CLEC16A: variants seen among roughly 807,000 people sequenced by gnomAD.
CLEC16A encodes C-type lectin domain containing 16A.
In CLEC16A, 51 loss-of-function variants were observed where a neutral mutation model predicts 109.5. The ratio of observed to expected loss-of-function variants is 0.47; its 90% CI spans 0.37 to 0.59. The LOEUF (loss-of-function observed/expected upper bound fraction) is 0.59, where lower values mean the gene tolerates loss of function less well. Ranked by LOEUF, CLEC16A falls within the 20% of genes least tolerant of loss-of-function variation. The pLI, the probability that CLEC16A is intolerant of heterozygous loss-of-function variation, is 0.00. For missense variants in CLEC16A, 1,339 were observed against 1,394.0 expected (o/e 0.96, Z 0.63); for synonymous variants, 673 against 564.2 (o/e 1.19, Z -2.73).
chr16:11,101,018 G>A (rs912270216), intron 19 of CLEC16A, among the ~76,000 whole-genome samples: 1 of 152,172 alleles, frequency 6.6e-6, no homozygotes, highest in African/African-American at 2.4e-5. Flanking sequence ...CTGGGACTGT[G>A]CTTGGCCCAT....
intron 19 of CLEC16A, among the ~76,000 whole-genome samples, chr16:11,104,538 G>A (rs2152989974): frequency 6.6e-6 from 1 of 152,284 alleles, no homozygotes; most frequent in South Asian, 2.1e-4. Flanking sequence ...ATACCCTTGT[G>A]TACTTTTCTG....
intron 22 of CLEC16A, among the ~76,000 whole-genome samples, chr16:11,158,721 G>A (rs561748470): frequency 5.3e-5 from 8 of 152,060 alleles, no homozygotes; most frequent in East Asian, 1.9e-4. Context: ...TCAGGAGTTC[G>A]AGGCCAGCCT....
At chr16:11,148,389 G>A (rs976298243) in intron 22 of CLEC16A, among the ~76,000 whole-genome samples, 1 of 152,188 alleles carries the variant, frequency 6.6e-6, no homozygotes, top group Non-Finnish European at 1.5e-5. Flanking sequence ...CCTGGTGGAG[G>A]AGGTCTGGAG....
At chr16:11,043,264 A>C (rs1286119091) in intron 15 of CLEC16A, among the ~76,000 whole-genome samples, 3 of 152,098 alleles carry the variant, frequency 2.0e-5, no homozygotes, top group Non-Finnish European at 2.9e-5. Context: ...AAAAAAACAA[A>C]AAAGATTAGC....
chr16:11,028,115 G>A (rs2046525541), intron 13 of CLEC16A, among the ~76,000 whole-genome samples: 1 of 152,318 alleles, frequency 6.6e-6, no homozygotes, highest in South Asian at 2.1e-4. Context: ...CAGGAGAATC[G>A]CTCAAACGTG....
chr16:11,049,217 A>AGGCT (rs1198404477), intron 17 of CLEC16A, among the ~76,000 whole-genome samples: 1 of 152,126 alleles, frequency 6.6e-6, no homozygotes, highest in Admixed American at 6.5e-5. Context: ...CATGCTGGCC[A>AGGCT]GGCTGGTCTC....
intron 14 of CLEC16A, 111 bp downstream of exon 14, chr16:11,039,987 C>T (rs932542147): frequency 3.1e-6 from 4 of 1,307,244 alleles, no homozygotes; most frequent in Non-Finnish European, 1.0e-6. Flanking sequence ...GAATCCGGGC[C>T]CATCCCAACC....
intron 18 of CLEC16A, among the ~76,000 whole-genome samples, chr16:11,051,982 A>T (rs1351715643): frequency 1.3e-5 from 2 of 152,218 alleles, no homozygotes; most frequent in Non-Finnish European, 2.9e-5. Context: ...CATCCAGTGC[A>T]GGTGAGGTTG....
rs199576357 is a variant in CLEC16A, at chr16:11,039,829, C to T, written c.1613C>T (p.Pro538Leu). Residue 538 changes from proline to leucine, a missense_variant, in exon 14 of 24, where the codon CCG (proline) becomes CTG (leucine). This residue lies in a region of CLEC16A where 1,061 missense variants were observed against 1,006.8 expected (regional missense o/e 1.05). Transcript: ENST00000409790. ...GCCGAGAAGACCACCTACAACCACC[C>T]GCTAGCTGAAAGACTCATCAGGATC... is the stretch of plus-strand genomic sequence containing the variant. Reference protein sequence around the residue: ...NAAEKTTYNHPLAERLIRIMN... With the variant: ...NAAEKTTYNHLLAERLIRIMN... The T allele has an allele frequency of 7.1e-5, 115 of 1,612,286 alleles. No individual in the cohort carries two copies. The highest frequency in any genetic ancestry group is 9.1e-5 in the Non-Finnish European group (107 of 1,179,294).
intron 7 of CLEC16A, among the ~76,000 whole-genome samples, chr16:10,974,745 T>TA (rs1275599801): frequency 6.6e-6 from 1 of 152,202 alleles, no homozygotes; most frequent in Non-Finnish European, 1.5e-5. Context: ...CTTATGGATT[T>TA]AAACAGTCAT....
intron 22 of CLEC16A, among the ~76,000 whole-genome samples, chr16:11,133,338 C>CAAA (rs577277748): frequency 7.8e-6 from 1 of 127,530 alleles, no homozygotes; most frequent in Non-Finnish European, 1.7e-5. Flanking sequence ...GACTCTGTCT[C>CAAA]AAAAAAAAAA....
At position 11,179,777 on chromosome 16, in the gene CLEC16A, G is replaced by T. The variant is rs2068902653; in HGVS notation, c.*1087G>T. The T allele has an allele frequency of 6.6e-6, 1 of 152,360 alleles. No individual in the cohort carries two copies. The highest frequency in any genetic ancestry group is 1.5e-5 in the Non-Finnish European group (1 of 68,184). 9.4% of individuals were successfully genotyped at this position (152,360 alleles called of 1,614,324 possible). A position where few individuals can be genotyped will look rare whatever the true frequency, so the allele number is the denominator to read the frequency against. On this transcript the variant is annotated 3_prime_UTR_variant, in exon 24 of 24. Transcript: ENST00000409790. ...GAGCCAGTTCCCCTCCAGCTGCAAG[G>T]GCATGGTGTCCCCAGAGCTCTGAGT...
At chr16:10,979,917 C>T (rs1168881930) in intron 9 of CLEC16A, among the ~76,000 whole-genome samples, 2 of 152,108 alleles carry the variant, frequency 1.3e-5, no homozygotes, top group African/African-American at 4.8e-5. Context: ...TATCTCCCTC[C>T]CCTCCTTCAA....
At chr16:11,020,403 G>A in intron 12 of CLEC16A, 78 bp downstream of exon 12, 3 of 1,454,468 alleles carry the variant, frequency 2.1e-6, no homozygotes, top group Non-Finnish European at 2.7e-6. Flanking sequence ...GAGCCCTAGG[G>A]CCAGAGCCTC....
At chr16:11,054,930 T>G (rs753046545) in intron 18 of CLEC16A, among the ~76,000 whole-genome samples, 71 of 144,862 alleles carry the variant, frequency 4.9e-4, no homozygotes, top group Non-Finnish European at 9.5e-4. Flanking sequence ...AAGGTTTTCT[T>G]TCTTTTTTTT....
In CLEC16A at chr16:11,098,037, G is replaced by A. The variant is rs560329029; in HGVS notation, c.2117-22578G>A. On this transcript the variant is annotated intron_variant, in intron 19 of 23. Coordinates refer to ENST00000409790, the MANE Select transcript of CLEC16A (RefSeq NM_015226.3). ...TCACTTGGAGAGCTTTAAGGCGCCC[G>A]GTGCCCAGGTCACACCCCACACCAA... is the stretch of plus-strand genomic sequence containing the variant. Among the ~76,000 whole-genome samples, 6 of 152,290 alleles carry A rather than the reference G, an allele frequency of 3.9e-5. No homozygotes were observed. The South Asian group carries it at 8.3e-4, about 21-fold the overall frequency.
chr16:11,072,128 T>C (rs549784509), intron 19 of CLEC16A, among the ~76,000 whole-genome samples: 1 of 152,102 alleles, frequency 6.6e-6, no homozygotes, highest in Non-Finnish European at 1.5e-5. Context: ...TGTTACACTG[T>C]TGTTTCTTTT....
chr16:10,970,202 G>T (rs933280995), intron 4 of CLEC16A, among the ~76,000 whole-genome samples: 1 of 152,126 alleles, frequency 6.6e-6, no homozygotes, highest in Admixed American at 6.6e-5. Context: ...CTATACAGCT[G>T]GCATCCATCC....
At chr16:11,062,578 A>G (rs2048541418) in intron 19 of CLEC16A, among the ~76,000 whole-genome samples, 1 of 152,230 alleles carries the variant, frequency 6.6e-6, no homozygotes, top group African/African-American at 2.4e-5. Context: ...TGTAGTCAGT[A>G]TTACAGGAGG....
Sources: allele counts gnomAD v4.1 joint callset (sites outside exome capture counted in the v4.1 genomes callset), GRCh38; gene constraint gnomAD v4.1.1; regional missense constraint gnomAD v4.1.1; transcripts MANE v1.5; gene names NCBI Gene and HGNC (gene_info 2026-07-23, HGNC 2026-07-21).